The following LINC00305 variants were observed in gnomAD, a reference collection of about 807,000 sequenced individuals.
The protein encoded by LINC00305 is long intergenic non-protein coding RNA 305.
intron 1 of LINC00305, among the ~76,000 whole-genome samples, chr18:64,115,454 G>T (rs142819094): frequency 5.3e-4 from 81 of 152,262 alleles, no homozygotes; most frequent in Non-Finnish European, 1.0e-3. Flanking sequence ...GGAATGATTT[G>T]CAGGTGCATT....
intron 3 of LINC00305, among the ~76,000 whole-genome samples, chr18:64,096,227 C>T (rs1438511532): frequency 6.6e-6 from 1 of 151,894 alleles, no homozygotes; most frequent in East Asian, 1.9e-4. Flanking sequence ...TTAGTCTTTA[C>T]TCTTAGATAC....
At chr18:64,104,231 A>C (rs1231517948) in intron 1 of LINC00305, 3 of 152,152 alleles carry the variant, frequency 2.0e-5, no homozygotes, top group Non-Finnish European at 4.4e-5. Context: ...TATTGTGGGG[A>C]GCAGGTATGG....
intron 3 of LINC00305, among the ~76,000 whole-genome samples, chr18:64,095,274 A>G (rs2051240910): frequency 1.3e-5 from 2 of 152,168 alleles, no homozygotes; most frequent in South Asian, 2.1e-4. Flanking sequence ...TCTCTCAAGG[A>G]TGTGTAAATA....
chr18:64,137,116 G>A (rs1312684600), intron 1 of LINC00305, among the ~76,000 whole-genome samples: 2 of 152,142 alleles, frequency 1.3e-5, no homozygotes, highest in East Asian at 3.9e-4. Flanking sequence ...GTCTTTCTAA[G>A]GGAGAGGATA....
chr18:64,088,120 A>G (rs1259754057), intron 3 of LINC00305, among the ~76,000 whole-genome samples: 1 of 152,074 alleles, frequency 6.6e-6, no homozygotes, highest in Non-Finnish European at 1.5e-5. Flanking sequence ...AGCCTGGGCG[A>G]CAGAGCGAGA....
At chr18:64,090,865 A>G (rs980801478) in intron 3 of LINC00305, among the ~76,000 whole-genome samples, 2 of 152,232 alleles carry the variant, frequency 1.3e-5, no homozygotes, top group East Asian at 1.9e-4. Flanking sequence ...GACACCATTT[A>G]TGTTTCATAG....
At chr18:64,081,481 A>G (rs1325356099) in intron 3 of LINC00305, among the ~76,000 whole-genome samples, 2 of 152,220 alleles carry the variant, frequency 1.3e-5, no homozygotes, top group African/African-American at 4.8e-5. Flanking sequence ...ATTTGCATAA[A>G]CCAAAGTCAC....
At chr18:64,089,107 C>T (rs2051215232) in intron 3 of LINC00305, among the ~76,000 whole-genome samples, 1 of 152,200 alleles carries the variant, frequency 6.6e-6, no homozygotes, top group African/African-American at 2.4e-5. Flanking sequence ...TGTCCCCACT[C>T]AAATCTCATC....
In LINC00305 at chr18:64,124,898, G is replaced by A. The variant is rs1599223486; in HGVS notation, n.314+23877C>T. 2.6e-5 allele frequency among the ~76,000 whole-genome samples: 4 copies of A among 152,164 alleles called. No homozygotes were observed. In the South Asian group the frequency reaches 8.3e-4, roughly 32 times the overall value. On this transcript the variant is annotated intron_variant and non_coding_transcript_variant, in intron 1 of 3. Coordinates refer to ENST00000666468, the Ensembl canonical transcript of LINC00305. The stretch of plus-strand genomic sequence containing the variant: ...TGGAATGACCAGGCTTCTAACCTAG[G>A]AAGTCTAACACCAAATTCAATATCT...
At chr18:64,143,784 ACACATATTATGCGTACATGTATG>A (rs2051482873) in intron 1 of LINC00305, among the ~76,000 whole-genome samples, 1 of 92,898 alleles carries the variant, frequency 1.1e-5, no homozygotes, top group African/African-American at 3.8e-5. Flanking sequence ...ACATGTATGT[ACACATATTATGCGTACATGTATG>A]TATACATATA....
intron 2 of LINC00305, among the ~76,000 whole-genome samples, chr18:64,098,284 C>T (rs2144237705): frequency 6.6e-6 from 1 of 152,138 alleles, no homozygotes. Context: ...AAATGAAGAC[C>T]CAGGAGTGAG....
rs1010511603 is a variant in LINC00305, at chr18:64,086,253, A to C, written n.541-5851T>G. Reference sequence around the variant, plus strand: ...TCATAAGCTTGATTGTAATCCATTAAGCTTTGAAGTTCATAAAGATGCTAT... The same window carrying C: ...TCATAAGCTTGATTGTAATCCATTACGCTTTGAAGTTCATAAAGATGCTAT... On this transcript the variant is annotated intron_variant and non_coding_transcript_variant, in intron 3 of 3. Transcript: ENST00000666468. 2.0e-5 allele frequency among the ~76,000 whole-genome samples: 3 copies of C among 152,234 alleles called. 1 individual carries two copies. The South Asian group carries it at 6.2e-4, about 32-fold the overall frequency.
In LINC00305 at chr18:64,110,972, T is replaced by C. The variant is rs2051312506; in HGVS notation, n.315-12332A>G. On this transcript the variant is annotated intron_variant and non_coding_transcript_variant, in intron 1 of 3. Transcript: ENST00000666468. Reference sequence around the variant, plus strand: ...AGGGTGACTGGAGTGTTTTTCTACATCCTGATTAGTGCTTCAGAATCTCTG... The same window carrying C: ...AGGGTGACTGGAGTGTTTTTCTACACCCTGATTAGTGCTTCAGAATCTCTG... Among the ~76,000 whole-genome samples, 3 of 152,176 alleles carry C rather than the reference T, an allele frequency of 2.0e-5. No individual in the cohort carries two copies. The South Asian group carries it at 6.2e-4, about 32-fold the overall frequency.
intron 3 of LINC00305, among the ~76,000 whole-genome samples, chr18:64,091,961 T>C (rs2051226406): frequency 6.6e-6 from 1 of 152,240 alleles, no homozygotes; most frequent in Non-Finnish European, 1.5e-5. Context: ...TTATTTAACT[T>C]GATCTCTTAT....
chr18:64,135,773 A>C (rs1055433308), intron 1 of LINC00305, among the ~76,000 whole-genome samples: 5 of 151,834 alleles, frequency 3.3e-5, no homozygotes, highest in African/African-American at 1.2e-4. Context: ...TTTAGTAGAG[A>C]CAGGTTTCAC....
intron 1 of LINC00305, among the ~76,000 whole-genome samples, chr18:64,112,335 C>CAAA (rs35340500): frequency 3.4e-4 from 37 of 109,160 alleles, no homozygotes; most frequent in African/African-American, 7.6e-4. Context: ...GCACATTGCT[C>CAAA]AAAAAAAAAA....
At chr18:64,083,440 C>T (rs1216446238) in intron 3 of LINC00305, among the ~76,000 whole-genome samples, 1 of 152,200 alleles carries the variant, frequency 6.6e-6, no homozygotes, top group Admixed American at 6.5e-5. Flanking sequence ...GTGGTCTTTA[C>T]CTAGGCAATA....
At chr18:64,120,512 C>G (rs1016069719) in intron 1 of LINC00305, among the ~76,000 whole-genome samples, 2 of 151,368 alleles carry the variant, frequency 1.3e-5, no homozygotes, top group African/African-American at 4.9e-5. Context: ...ACATATTAGT[C>G]GTCGAAATTG....
At chr18:64,106,177 A>G (rs1008190294) in intron 1 of LINC00305, among the ~76,000 whole-genome samples, 4 of 152,198 alleles carry the variant, frequency 2.6e-5, no homozygotes, top group Non-Finnish European at 4.4e-5. Context: ...TTACCCTTCA[A>G]TTTGGAAGTG....
Sources: allele counts gnomAD v4.1 joint callset (sites outside exome capture counted in the v4.1 genomes callset), GRCh38; gene constraint gnomAD v4.1.1; transcripts MANE v1.5; gene names NCBI Gene and HGNC (gene_info 2026-07-23, HGNC 2026-07-21).